Variants in RPS6KC1 observed in about 807,000 individuals in gnomAD.
RPS6KC1 encodes ribosomal protein S6 kinase C1, also known as inactive ribosomal protein S6 kinase delta-1.
In RPS6KC1, 54 loss-of-function variants were observed where a neutral mutation model predicts 103.8. The observed-to-expected ratio is 0.52, with a 90% CI of 0.42 to 0.65. RPS6KC1 has a LOEUF of 0.65. Ranked by LOEUF, RPS6KC1 falls within the 30% of genes least tolerant of loss-of-function variation. The pLI is 0.00. For synonymous variants in RPS6KC1, 439 were observed against 438.7 expected, an observed-to-expected ratio of 1.00 and a Z score of -0.01; for missense variants, 1,151 against 1,253.8, an observed-to-expected ratio of 0.92 and a Z score of 1.24.
At chr1:213,164,676 C>A (rs948704498) in intron 6 of RPS6KC1, among the ~76,000 whole-genome samples, 1 of 152,204 alleles carries the variant, frequency 6.6e-6, no homozygotes, top group African/African-American at 2.4e-5. Flanking sequence ...GATCCTCCTG[C>A]CTCAGCCTCC....
chr1:213,605,724 G>A, the RPS6KC1 span, among the ~76,000 whole-genome samples: 1 of 152,182 alleles, frequency 6.6e-6, no homozygotes, highest in Non-Finnish European at 1.5e-5. Context: ...TCCCCAGCCT[G>A]GCCTTTAGAA....
chr1:213,632,717 G>A, the RPS6KC1 span, among the ~76,000 whole-genome samples: 1 of 152,218 alleles, frequency 6.6e-6, no homozygotes, highest in Non-Finnish European at 1.5e-5. Context: ...GACAGAAGCA[G>A]GCTTCAGAAG....
At chr1:213,221,238 C>T (rs1295303528) in intron 8 of RPS6KC1, among the ~76,000 whole-genome samples, 1 of 151,194 alleles carries the variant, frequency 6.6e-6, no homozygotes, top group Non-Finnish European at 1.5e-5. Context: ...AAGTATATTC[C>T]ATTAGGAGTA....
chr1:213,741,294 T>G, the RPS6KC1 span, among the ~76,000 whole-genome samples: 1 of 152,084 alleles, frequency 6.6e-6, no homozygotes, highest in African/African-American at 2.4e-5. Context: ...TTTTGACATA[T>G]ACAATGTATT....
the RPS6KC1 span, among the ~76,000 whole-genome samples, chr1:213,637,498 T>C: frequency 3.9e-5 from 6 of 152,122 alleles, no homozygotes; most frequent in Admixed American, 6.6e-5. Context: ...CAAACCAACA[T>C]GGCACATGTA....
chr1:213,524,778 G>A, the RPS6KC1 span, among the ~76,000 whole-genome samples: 1 of 152,074 alleles, frequency 6.6e-6, no homozygotes, highest in Non-Finnish European at 1.5e-5. Context: ...GCACCTGGTG[G>A]CTATTCCTAT....
the RPS6KC1 span, among the ~76,000 whole-genome samples, chr1:213,383,795 C>T: frequency 5.9e-5 from 9 of 151,434 alleles, no homozygotes; most frequent in Non-Finnish European, 1.2e-4. Context: ...CCTGAGGACA[C>T]AGTGAGAAGG....
At chr1:213,677,005 T>C in the RPS6KC1 span, among the ~76,000 whole-genome samples, 2 of 152,192 alleles carry the variant, frequency 1.3e-5, no homozygotes, top group East Asian at 1.9e-4. Context: ...GACAGATAGA[T>C]AGATAGGAGA....
intron 3 of RPS6KC1, among the ~76,000 whole-genome samples, chr1:213,081,193 TG>T (rs2079846645): frequency 3.9e-5 from 6 of 152,264 alleles, no homozygotes; most frequent in Admixed American, 3.9e-4. Context: ...TACCCGGGGC[TG>T]GGTAACTTAT....
chr1:213,726,189 G>T, the RPS6KC1 span, among the ~76,000 whole-genome samples: 55 of 152,220 alleles, frequency 3.6e-4, no homozygotes, highest in South Asian at 1.5e-3. Context: ...GGGCTCAGGC[G>T]ATCTTCTCAG....
In RPS6KC1 at chr1:213,241,653, T is replaced by A. The variant is rs770737175; in HGVS notation, c.2177T>A (p.Leu726Ter). The A allele has an allele frequency of 6.2e-7, 1 of 1,613,876 alleles. No homozygotes were observed. Among genetic ancestry groups the A allele is most frequent in the African/African-American group, 1.3e-5 (1 of 75,028 alleles). Residue 726 changes from leucine (L) to a stop codon, truncating the protein, a stop_gained, in exon 11 of 15, where the codon TTG becomes TAG. Coordinates refer to ENST00000366960, the MANE Select transcript of RPS6KC1 (RefSeq NM_012424.6). LOFTEE classifies it high-confidence loss of function. ...TNIGIIENKLLEAPDVLCLRL... is the reference protein window; with the variant it reads ...TNIGIIENKL ...ATAGGGATAATAGAAAATAAACTCT[T>A]GGAAGCCCCTGATGTTTTATGCCTC...
the RPS6KC1 span, among the ~76,000 whole-genome samples, chr1:213,657,658 G>A: frequency 6.6e-6 from 1 of 152,144 alleles, no homozygotes; most frequent in African/African-American, 2.4e-5. Context: ...ACAAACACAT[G>A]TGAATAATGA....
At chr1:213,070,891 T>C (rs1018507451) in intron 1 of RPS6KC1, 115 bp from the exon 2 acceptor site, 1 of 653,912 alleles carries the variant, frequency 1.5e-6, no homozygotes, top group East Asian at 3.2e-5. Flanking sequence ...ATATAGTGTT[T>C]ATTTTTTTAA....
intron 2 of RPS6KC1, among the ~76,000 whole-genome samples, chr1:213,075,409 A>C (rs2079242472): frequency 6.6e-6 from 1 of 152,158 alleles, no homozygotes; most frequent in Admixed American, 6.5e-5. Context: ...CATTGTTAGA[A>C]TCCTCACATC....
the RPS6KC1 span, among the ~76,000 whole-genome samples, chr1:213,523,446 A>C: frequency 6.6e-6 from 1 of 152,220 alleles, no homozygotes. Context: ...GGGTTGCCAC[A>C]GACCTTCACT....
chr1:213,191,953 C>T (rs1293067006), intron 8 of RPS6KC1, among the ~76,000 whole-genome samples: 9 of 152,016 alleles, frequency 5.9e-5, no homozygotes, highest in Admixed American at 5.9e-4. Context: ...GGACTACAGG[C>T]ACGTGTCACC....
chr1:213,305,764 G>A, the RPS6KC1 span, among the ~76,000 whole-genome samples: 2 of 152,318 alleles, frequency 1.3e-5, no homozygotes, highest in Middle Eastern at 3.4e-3. Context: ...GAGTTTCTCT[G>A]TCCATGTTTT....
chr1:213,859,615 G>A, the RPS6KC1 span, among the ~76,000 whole-genome samples: 1 of 152,202 alleles, frequency 6.6e-6, no homozygotes, highest in African/African-American at 2.4e-5. Flanking sequence ...GCAGTGCACT[G>A]AATTTGGCTT....
chr1:213,287,232 ATGTGTGTGTGTGTGTG>A, the RPS6KC1 span, among the ~76,000 whole-genome samples: 148 of 146,832 alleles, frequency 1.0e-3, 1 homozygote, highest in South Asian at 0.022. Context: ...TGCCTATACA[ATGTGTGTGTGTGTGTG>A]TGTGTGTGTG....
Sources: gnomAD v4.1 joint callset for allele counts (sites outside exome capture counted in the v4.1 genomes callset) on GRCh38, gnomAD v4.1.1 for gene constraint, MANE v1.5 for transcripts, NCBI Gene and HGNC (gene_info 2026-07-23, HGNC 2026-07-21) for gene names.